The following HUS1 variants were observed in gnomAD, a reference collection of about 807,000 sequenced individuals.
HUS1 encodes the protein checkpoint protein HUS1.
In HUS1, 31 loss-of-function variants were observed where a neutral mutation model predicts 32.6. The ratio of observed to expected loss-of-function variants is 0.95; its 90% CI spans 0.72 to 1.28. The LOEUF is 1.28. HUS1 is among the 50% of genes most tolerant of loss of function. The pLI is 0.00. For synonymous variants in HUS1, 123 were observed against 116.6 expected (o/e 1.06, Z -0.36); for missense variants, 340 against 337.7 (o/e 1.01, Z -0.05).
intron 6 of HUS1, chr7:47,968,942 A>C (rs760824266): frequency 2.4e-4 from 75 of 315,792 alleles, no homozygotes; most frequent in Non-Finnish European, 3.0e-4. Context: ...GCTGGAAGGG[A>C]TCTTGGAGGT....
chr7:47,970,283 C>A (rs944082571), intron 5 of HUS1, among the ~76,000 whole-genome samples: 24 of 134,136 alleles, frequency 1.8e-4, no homozygotes, highest in Non-Finnish European at 1.6e-5. Flanking sequence ...GACGCTATGA[C>A]ACAACAACAT....
intron 6 of HUS1, among the ~76,000 whole-genome samples, chr7:47,968,363 A>G (rs1788524819): frequency 6.6e-6 from 1 of 152,240 alleles, no homozygotes; most frequent in Non-Finnish European, 1.5e-5. Context: ...AATGAGTGAC[A>G]TCAGAATGAA....
intron 5 of HUS1, among the ~76,000 whole-genome samples, chr7:47,970,061 G>A (rs1453521475): frequency 1.3e-5 from 2 of 151,322 alleles, no homozygotes; most frequent in Non-Finnish European, 2.9e-5. Flanking sequence ...GTGAAACCCC[G>A]TCTCTACTAA....
intron 5 of HUS1, among the ~76,000 whole-genome samples, chr7:47,972,848 C>T (rs1788626125): frequency 1.3e-5 from 2 of 152,242 alleles, no homozygotes; most frequent in African/African-American, 2.4e-5. Context: ...CCTGCAGAGC[C>T]GTTTCTCAGA....
Position 47,963,882 on chromosome 7 carries a change from G to C in HUS1, c.*1474C>G, listed in dbSNP as rs538443623. 1 of 151,958 alleles carries C rather than the reference G, an allele frequency of 6.6e-6. No homozygotes were observed. Among genetic ancestry groups the C allele is most frequent in the South Asian group, 2.1e-4 (1 of 4,816 alleles). 9.4% of individuals were successfully genotyped at this position (151,958 alleles called of 1,614,324 possible). A position where few individuals can be genotyped will look rare whatever the true frequency, so the allele number is the denominator to read the frequency against. On this transcript the variant is annotated 3_prime_UTR_variant, in exon 8 of 8. Transcript: ENST00000258774. ...GATCGCGCCACTAGCACTCCAGACTGGCGACAGAGTGAGACTCCGTCTCAA... is the reference window on the plus strand; with the variant it reads ...GATCGCGCCACTAGCACTCCAGACTCGCGACAGAGTGAGACTCCGTCTCAA...
At chr7:47,978,228 T>C (rs1275040773) in intron 3 of HUS1, 189 bp downstream of exon 3, 5 of 518,238 alleles carry the variant, frequency 9.6e-6, no homozygotes, top group Non-Finnish European at 1.3e-5. Flanking sequence ...TGAATGCATA[T>C]GATAACAACA....
chr7:47,969,069 A>AGCG (rs1788540030), intron 6 of HUS1, 150 bp downstream of exon 6: 1 of 580,632 alleles, frequency 1.7e-6, no homozygotes, highest in Non-Finnish European at 3.0e-6. Flanking sequence ...ACAGGGATAC[A>AGCG]TAGTCCAGTC....
At chr7:47,979,430 C>G in intron 1 of HUS1, 38 bp downstream of exon 1, 1 of 1,612,088 alleles carries the variant, frequency 6.2e-7, no homozygotes, top group Non-Finnish European at 8.5e-7. Context: ...CTGCTTCCTT[C>G]CGTTCCTCCC....
chr7:47,967,959 C>T (rs1788515746), intron 6 of HUS1, 34 bp from the exon 7 acceptor site: 2 of 1,596,110 alleles, frequency 1.3e-6, no homozygotes, highest in South Asian at 1.1e-5. Flanking sequence ...AATACAACAT[C>T]TTCCCACGTA....
chr7:47,978,360 T>C lies in HUS1; in HGVS notation c.357+57A>G, dbSNP rs894495862. 9.7e-6 allele frequency: 14 copies of C among 1,443,676 alleles called. No homozygotes were observed. The African/African-American group carries it at 2.0e-4, about 20-fold the overall frequency. The allele number at this position is 1,443,676 out of a possible 1,614,324, so 89.4% of individuals were successfully genotyped here. A position where few individuals can be genotyped will look rare whatever the true frequency, so the allele number is the denominator to read the frequency against. Reference sequence around the variant, plus strand: ...ATTGTTAAAAAGGCTAGGCTAACTATGTCTATTCCTTCGAGGCCAAGACTT... The same window carrying C: ...ATTGTTAAAAAGGCTAGGCTAACTACGTCTATTCCTTCGAGGCCAAGACTT... On this transcript the variant is annotated intron_variant, in intron 3 of 7. Transcript: ENST00000258774.
intron 4 of HUS1, 92 bp downstream of exon 4, chr7:47,976,638 T>C: frequency 2.6e-6 from 2 of 782,996 alleles, no homozygotes; most frequent in Non-Finnish European, 4.5e-6. Flanking sequence ...CCTTTAAAAA[T>C]AAAATATACT....
At chr7:47,966,771 AAT>A (rs1158378557) in intron 7 of HUS1, among the ~76,000 whole-genome samples, 1 of 152,176 alleles carries the variant, frequency 6.6e-6, no homozygotes, top group Non-Finnish European at 1.5e-5. Context: ...CAGCCCTAGA[AAT>A]ATGACATCGT....
chr7:47,970,265 CAAT>C (rs1262593130), intron 5 of HUS1, among the ~76,000 whole-genome samples: 1 of 117,480 alleles, frequency 8.5e-6, no homozygotes, highest in Non-Finnish European at 1.8e-5. Context: ...GAGAAATGAA[CAAT>C]AATAGACGCT....
rs1788449248 is a variant in HUS1, at chr7:47,965,020, C to T, written c.*336G>A. The T allele has an allele frequency of 4.5e-6, 1 of 222,814 alleles. No individual in the cohort carries two copies. The highest frequency in any genetic ancestry group is 9.2e-6 in the Non-Finnish European group (1 of 109,014). 13.8% of individuals were successfully genotyped at this position (222,814 alleles called of 1,614,324 possible). A position where few individuals can be genotyped will look rare whatever the true frequency, so the allele number is the denominator to read the frequency against. On this transcript the variant is annotated 3_prime_UTR_variant, in exon 8 of 8. Coordinates refer to ENST00000258774, the MANE Select transcript of HUS1 (RefSeq NM_004507.4). ...AAAGTACCAAGCTCCCAGGCAACAG[C>T]TTTACGAATTCTGGCTACTACACCA...
At chr7:47,976,295 G>A (rs1416958324) in intron 4 of HUS1, 2 of 449,322 alleles carry the variant, frequency 4.5e-6, no homozygotes, top group Non-Finnish European at 9.0e-6. Context: ...TTACTTTCAG[G>A]AGCTCTAGGG....
At chr7:47,965,507 GA>G in intron 7 of HUS1, 69 bp from the exon 8 acceptor site, 1 of 1,144,868 alleles carries the variant, frequency 8.7e-7, no homozygotes, top group African/African-American at 1.5e-5. Context: ...TACTTTTTCA[GA>G]ACAGCCTTCC....
intron 5 of HUS1, among the ~76,000 whole-genome samples, chr7:47,970,141 G>A (rs2128765162): frequency 6.7e-6 from 1 of 149,502 alleles, no homozygotes; most frequent in South Asian, 2.1e-4. Flanking sequence ...GCTGAGGCAG[G>A]AGAATGGCAT....
At chr7:47,971,124 G>A (rs192400501) in intron 5 of HUS1, 1 of 165,956 alleles carries the variant, frequency 6.0e-6, no homozygotes, top group East Asian at 1.8e-4. Flanking sequence ...GGGGGAAAAT[G>A]AGAAGAATGT....
intron 4 of HUS1, chr7:47,976,522 C>T: frequency 4.9e-6 from 3 of 617,896 alleles, no homozygotes; most frequent in Non-Finnish European, 9.1e-6. Context: ...CTGAGCGAGA[C>T]ATTTTCTACA....
Sources: allele counts gnomAD v4.1 joint callset (sites outside exome capture counted in the v4.1 genomes callset), GRCh38; gene constraint gnomAD v4.1.1; transcripts MANE v1.5; gene names NCBI Gene and HGNC (gene_info 2026-07-23, HGNC 2026-07-21).